The following ARHGAP44 variants were observed in gnomAD, a reference collection of about 807,000 sequenced individuals.
ARHGAP44 encodes the protein Rho GTPase activating protein 44.
ARHGAP44 carries 43 observed loss-of-function variants against 106.8 expected under a neutral mutation model. That is an observed-to-expected ratio of 0.40 (90% CI 0.32 to 0.52). ARHGAP44 has a LOEUF of 0.52. Among genes scored for constraint, ARHGAP44 ranks in the 20% least tolerant of loss-of-function variants. The pLI is 0.48. For synonymous variants in ARHGAP44, 439 were observed against 410.3 expected (o/e 1.07, Z -0.85); for missense variants, 866 against 1,050.5 (o/e 0.82, Z 2.43).
At chr17:12,980,617 C>T (rs1462160379) in intron 19 of ARHGAP44, among the ~76,000 whole-genome samples, 2 of 152,162 alleles carry the variant, frequency 1.3e-5, no homozygotes, top group East Asian at 3.9e-4. Context: ...GGCACAGCTG[C>T]CTACCCCTAG....
intron 13 of ARHGAP44, 59 bp from the exon 14 acceptor site, chr17:12,955,808 C>CA (rs1567707657): frequency 5.7e-6 from 6 of 1,043,664 alleles, no homozygotes; most frequent in Middle Eastern, 2.0e-4. Flanking sequence ...GTCCAGTCCC[C>CA]GGGGGACATG....
intron 15 of ARHGAP44, 144 bp downstream of exon 15, chr17:12,956,890 C>A: frequency 1.6e-6 from 1 of 633,354 alleles, no homozygotes; most frequent in Non-Finnish European, 2.8e-6. Context: ...CACACACACG[C>A]ATGCAGACAT....
At chr17:12,956,623 C>T (rs544966193) in intron 14 of ARHGAP44, 32 bp from the exon 15 acceptor site, 4 of 1,599,922 alleles carry the variant, frequency 2.5e-6, no homozygotes, top group African/African-American at 2.7e-5. Flanking sequence ...GCTGCTAACT[C>T]CACCCTGTTT....
chr17:12,932,834 T>C (rs1197578191), intron 7 of ARHGAP44, among the ~76,000 whole-genome samples: 1 of 152,206 alleles, frequency 6.6e-6, no homozygotes, highest in Non-Finnish European at 1.5e-5. Flanking sequence ...TATGTTTCAT[T>C]AATCTGTTTG....
Position 12,881,116 on chromosome 17 carries a change from C to T in ARHGAP44, c.54-13824C>T, listed in dbSNP as rs556111892. On this transcript the variant is annotated intron_variant, in intron 1 of 20. Coordinates refer to ENST00000379672, the MANE Select transcript of ARHGAP44 (RefSeq NM_014859.6). ...GGCAGTTGTATTTTCTTATATATGT[C>T]TTTTTTCTAGTGTCTTTCTTTTTAT... 5.3e-5 allele frequency among the ~76,000 whole-genome samples: 8 copies of T among 150,842 alleles called. No homozygotes were observed. The East Asian group carries it at 1.6e-3, about 29-fold the overall frequency.
chr17:12,948,844 A>T (rs945327687), intron 10 of ARHGAP44, among the ~76,000 whole-genome samples: 10 of 151,932 alleles, frequency 6.6e-5, no homozygotes, highest in South Asian at 4.1e-4. Flanking sequence ...CAAGAACAAG[A>T]TGTCTAAGTG....
chr17:12,796,470 T>C (rs566811450), intron 1 of ARHGAP44, among the ~76,000 whole-genome samples: 22 of 152,344 alleles, frequency 1.4e-4, no homozygotes, highest in African/African-American at 1.9e-4. Flanking sequence ...CACACTACTT[T>C]CACTGCAGCC....
rs2039986224 is a variant in ARHGAP44, at chr17:12,987,320, T to C, written c.2317+2412T>C. ...AGGATGAGTTGATCCATGAGCTTAT[T>C]TGGCTTTGGGGCATCCCTGGCCTCC... is the stretch of plus-strand genomic sequence containing the variant. On this transcript the variant is annotated intron_variant, in intron 20 of 20. Coordinates refer to ENST00000379672, the MANE Select transcript of ARHGAP44 (RefSeq NM_014859.6). The C allele has an allele frequency of 1.0e-5, 6 of 594,230 alleles. No homozygotes were observed. The East Asian group carries it at 1.8e-4, about 18-fold the overall frequency. 36.8% of individuals were successfully genotyped at this position (594,230 alleles called of 1,614,324 possible). A position where few individuals can be genotyped will look rare whatever the true frequency, so the allele number is the denominator to read the frequency against.
chr17:12,901,415 T>A (rs1321619111), intron 3 of ARHGAP44, among the ~76,000 whole-genome samples: 1 of 152,038 alleles, frequency 6.6e-6, no homozygotes, highest in Non-Finnish European at 1.5e-5. Flanking sequence ...TGATCAGATA[T>A]GTTCAAAATT....
chr17:12,989,034 T>G (rs1448524261), intron 20 of ARHGAP44: 3 of 135,330 alleles, frequency 2.2e-5, no homozygotes, highest in Admixed American at 8.2e-5. Flanking sequence ...GAGGCAGAGG[T>G]TGCAGTGAGC....
chr17:12,862,780 AAGCCAGGAGTTCGAGACC>A (rs2036125663), intron 1 of ARHGAP44, among the ~76,000 whole-genome samples: 2 of 152,038 alleles, frequency 1.3e-5, no homozygotes, highest in South Asian at 2.1e-4. Context: ...GGATCACTTG[AAGCCAGGAGTTCGAGACC>A]AGCCTGGACA....
At position 12,974,056 on chromosome 17, in the gene ARHGAP44, G is replaced by A. The variant is rs371465700; in HGVS notation, c.1542-33G>A. 6.0e-5 allele frequency: 92 copies of A among 1,546,024 alleles called. No individual in the cohort carries two copies. The African/African-American group carries it at 1.0e-3, about 17-fold the overall frequency. ...GCCTGTCTCCTGTCATCTGTTACGC[G>A]TGGGTAAGCGGTGTCTTTGTGTCCC... On this transcript the variant is annotated intron_variant, in intron 17 of 20. Coordinates refer to ENST00000379672, the MANE Select transcript of ARHGAP44 (RefSeq NM_014859.6).
chr17:12,919,756 T>A lies in ARHGAP44; in HGVS notation c.389T>A (p.Val130Glu). ...VIEPLFLLAEVEIPNIQKQRK... is the reference protein window; with the variant it reads ...VIEPLFLLAEEEIPNIQKQRK... Reference sequence around the variant, plus strand: ...ATCTTTTATGTTGTGTAACCACAGGTGGAAATCCCAAATATTCAAAAGCAG... The same window carrying A: ...ATCTTTTATGTTGTGTAACCACAGGAGGAAATCCCAAATATTCAAAAGCAG... The change falls in exon 6 of 21, where the codon GTG becomes GAG. Residue 130 changes from valine to glutamate, a missense_variant and splice_region_variant. Val to Glu is a moderately radical substitution (Grantham distance 121). Transcript: ENST00000379672. 2 of 1,611,256 alleles carry A rather than the reference T, an allele frequency of 1.2e-6. No individual in the cohort carries two copies. The highest frequency in any genetic ancestry group is 1.7e-6 in the Non-Finnish European group (2 of 1,178,634).
At chr17:12,917,539 T>C (rs1210144908) in intron 5 of ARHGAP44, among the ~76,000 whole-genome samples, 2 of 152,110 alleles carry the variant, frequency 1.3e-5, no homozygotes, top group Non-Finnish European at 2.9e-5. Context: ...TTCAGCTAAT[T>C]GGATGGTACC....
chr17:12,822,258 T>C lies in ARHGAP44; in HGVS notation c.53+32367T>C, dbSNP rs76675075. 5.0e-3 allele frequency among the ~76,000 whole-genome samples: 758 copies of C among 152,340 alleles called. 26 individuals are homozygous for C. In the East Asian group the frequency reaches 0.071, roughly 14 times the overall value. On this transcript the variant is annotated intron_variant, in intron 1 of 20. Coordinates refer to ENST00000379672, the MANE Select transcript of ARHGAP44 (RefSeq NM_014859.6). ...GTTCTAGTAGATCGAGTTATAATCA[T>C]GGATATTTGAATTTCATGTAATTTT...
chr17:12,946,048 C>T (rs562514749), intron 10 of ARHGAP44, among the ~76,000 whole-genome samples: 4 of 152,148 alleles, frequency 2.6e-5, no homozygotes, highest in East Asian at 3.9e-4. Flanking sequence ...CGTGAGCCAC[C>T]GCACTGGGCC....
chr17:12,947,332 T>A (rs1355082375), intron 10 of ARHGAP44, among the ~76,000 whole-genome samples: 2 of 152,110 alleles, frequency 1.3e-5, no homozygotes, highest in Non-Finnish European at 2.9e-5. Flanking sequence ...CCTCGAAACT[T>A]CTAGTTCCTT....
intron 6 of ARHGAP44, among the ~76,000 whole-genome samples, chr17:12,926,404 T>TATATACATA (rs1567690917): frequency 1.4e-4 from 20 of 144,804 alleles, no homozygotes; most frequent in African/African-American, 5.0e-4. Context: ...ATATATATTG[T>TATATACATA]ATATATATAA....
At chr17:12,854,620 G>T (rs1478660452) in intron 1 of ARHGAP44, among the ~76,000 whole-genome samples, 1 of 152,150 alleles carries the variant, frequency 6.6e-6, no homozygotes, top group African/African-American at 2.4e-5. Flanking sequence ...GAAGACATCA[G>T]GTCACAGAAC....
Sources: allele counts gnomAD v4.1 joint callset (sites outside exome capture counted in the v4.1 genomes callset), GRCh38; gene constraint gnomAD v4.1.1; transcripts MANE v1.5; gene names NCBI Gene and HGNC (gene_info 2026-07-23, HGNC 2026-07-21).